Variants in EPHB1 observed in about 807,000 individuals in gnomAD.
EPHB1 encodes the protein ephrin type-B receptor 1.
EPHB1 carries 30 observed loss-of-function variants against 94.4 expected under a neutral mutation model. The observed-to-expected ratio is 0.32, with a 90% CI of 0.24 to 0.43. The LOEUF (loss-of-function observed/expected upper bound fraction) is 0.43, where lower values mean the gene tolerates loss of function less well. Ranked by LOEUF, EPHB1 falls within the 20% of genes least tolerant of loss-of-function variation. The pLI is 1.00. For synonymous variants in EPHB1, 522 were observed against 489.1 expected, an observed-to-expected ratio of 1.07 and a Z score of -0.89; for missense variants, 1,055 against 1,308.3, an observed-to-expected ratio of 0.81 and a Z score of 2.99.
chr3:134,952,189 C>A, intron 3 of EPHB1, 137 bp downstream of exon 3: 1 of 895,106 alleles, frequency 1.1e-6, no homozygotes, highest in Non-Finnish European at 1.7e-6. Context: ...GACTCCCATT[C>A]CTAGTGCTAG....
intron 6 of EPHB1, 118 bp downstream of exon 6, chr3:135,154,394 A>C: frequency 7.1e-7 from 1 of 1,415,216 alleles, no homozygotes; most frequent in South Asian, 1.4e-5. Flanking sequence ...TTCTGGTGAC[A>C]GAGGCCAGAA....
At chr3:134,822,958 T>C (rs1303185776) in intron 1 of EPHB1, among the ~76,000 whole-genome samples, 3 of 152,102 alleles carry the variant, frequency 2.0e-5, no homozygotes, top group African/African-American at 7.2e-5. Flanking sequence ...GAAGCGGAAG[T>C]GATTTTCCTA....
At chr3:134,994,644 G>A (rs1476806516) in intron 3 of EPHB1, among the ~76,000 whole-genome samples, 1 of 152,114 alleles carries the variant, frequency 6.6e-6, no homozygotes, top group Admixed American at 6.5e-5. Context: ...GGCTGGCATT[G>A]AACTCCTAGG....
rs1460579920 is a variant in EPHB1 at position 135,004,036 on chromosome 3, G to A, written c.805+51984G>A. The stretch of plus-strand genomic sequence containing the variant: ...CTGGTTATTTTGCTTGTTAGTTGAT[G>A]TAGTTTCTTCCTAGTCTCGATGGTC... On this transcript the variant is annotated intron_variant, in intron 3 of 15. Coordinates refer to ENST00000398015, the MANE Select transcript of EPHB1 (RefSeq NM_004441.5). 4.6e-5 allele frequency among the ~76,000 whole-genome samples: 7 copies of A among 151,740 alleles called. No homozygotes were observed. The East Asian group carries it at 5.8e-4, about 13-fold the overall frequency.
chr3:135,105,957 C>T (rs1325509952), intron 3 of EPHB1, among the ~76,000 whole-genome samples: 1 of 152,188 alleles, frequency 6.6e-6, no homozygotes, highest in Non-Finnish European at 1.5e-5. Flanking sequence ...TAGTGTGTTC[C>T]TCATGTGTGC....
chr3:134,844,653 G>A (rs2036836784), intron 1 of EPHB1, among the ~76,000 whole-genome samples: 1 of 152,200 alleles, frequency 6.6e-6, no homozygotes, highest in African/African-American at 2.4e-5. Flanking sequence ...GCTCAGGGGA[G>A]GGTGAGGAGG....
intron 3 of EPHB1, among the ~76,000 whole-genome samples, chr3:134,957,287 C>T (rs748150587): frequency 5.9e-5 from 9 of 152,194 alleles, no homozygotes; most frequent in Non-Finnish European, 1.2e-4. Context: ...CAGCTCTAAG[C>T]AGCAGACCAG....
At position 135,154,352 on chromosome 3, in the gene EPHB1, A is replaced by G. The variant is rs555896419; in HGVS notation, c.1422+76A>G. The G allele has an allele frequency of 2.4e-5, 39 of 1,591,904 alleles. No homozygotes were observed. In the East Asian group the frequency reaches 8.5e-4, roughly 35 times the overall value. ...CCATGGATGGTTGCTAGCTGAAGGCACAAAGGAGATAGGCTGCTGAGGTGG... is the reference window on the plus strand; with the variant it reads ...CCATGGATGGTTGCTAGCTGAAGGCGCAAAGGAGATAGGCTGCTGAGGTGG... On this transcript the variant is annotated intron_variant, in intron 6 of 15. Transcript: ENST00000398015.
At chr3:134,878,100 A>G (rs1229034325) in intron 1 of EPHB1, among the ~76,000 whole-genome samples, 3 of 152,064 alleles carry the variant, frequency 2.0e-5, no homozygotes, top group Admixed American at 6.6e-5. Context: ...AGGTTTTCCA[A>G]CCCCAGCTGA....
chr3:135,056,721 A>T (rs1035280060), intron 3 of EPHB1, among the ~76,000 whole-genome samples: 1 of 152,242 alleles, frequency 6.6e-6, no homozygotes, highest in Non-Finnish European at 1.5e-5. Flanking sequence ...TGTATTTTCC[A>T]CACAAAGATG....
intron 13 of EPHB1, among the ~76,000 whole-genome samples, chr3:135,246,457 A>G (rs1011982660): frequency 6.6e-6 from 1 of 152,146 alleles, no homozygotes; most frequent in Non-Finnish European, 1.5e-5. Flanking sequence ...AAGACAGCCG[A>G]CACCTCCAGG....
intron 1 of EPHB1, among the ~76,000 whole-genome samples, chr3:134,849,229 A>G (rs984345082): frequency 1.3e-5 from 2 of 152,216 alleles, no homozygotes; most frequent in Non-Finnish European, 2.9e-5. Flanking sequence ...CTCCACCTTG[A>G]GTTTCCGATT....
At chr3:134,917,211 C>G (rs552468710) in intron 1 of EPHB1, among the ~76,000 whole-genome samples, 1 of 152,302 alleles carries the variant, frequency 6.6e-6, no homozygotes, top group South Asian at 2.1e-4. Context: ...GAACTAAGAG[C>G]CAGAAGAAAC....
intron 4 of EPHB1, among the ~76,000 whole-genome samples, chr3:135,112,138 G>T (rs1939472540): frequency 3.9e-5 from 6 of 152,198 alleles, no homozygotes; most frequent in Admixed American, 2.0e-4. Flanking sequence ...TGAAACAGAA[G>T]GAAAGTGACT....
In EPHB1 at chr3:135,179,975, C is replaced by T. The variant is rs529170249; in HGVS notation, c.1875C>T (p.Ile625=). 11 of 1,613,738 alleles carry T rather than the reference C, an allele frequency of 6.8e-6. No individual in the cohort carries two copies. Among genetic ancestry groups the T allele is most frequent in the East Asian group, 2.2e-5 (1 of 44,878 alleles). ...CTTTTGTGAAAATTGAAGAGGTCAT[C>T]GGAGCAGGTATGGCTCTTCCCTGTC... The part of the protein sequence containing the change: ...DVSFVKIEEV[I]GAGEFGEVYK... The change falls in exon 10 of 16, where the codon ATC becomes ATT. Residue 625 remains isoleucine, a synonymous_variant. Transcript: ENST00000398015.
chr3:135,055,706 C>T (rs571801448), intron 3 of EPHB1, among the ~76,000 whole-genome samples: 67 of 152,274 alleles, frequency 4.4e-4, no homozygotes, highest in African/African-American at 1.5e-3. Context: ...TGTTCACACC[C>T]GGGGTTGTTG....
intron 3 of EPHB1, among the ~76,000 whole-genome samples, chr3:134,982,242 G>A (rs1007840180): frequency 1.3e-5 from 2 of 152,134 alleles, no homozygotes; most frequent in Non-Finnish European, 2.9e-5. Flanking sequence ...TACTGTGAGG[G>A]CTTAGAAGAT....
chr3:135,170,331 T>G (rs1240074953), intron 9 of EPHB1, among the ~76,000 whole-genome samples: 1 of 152,188 alleles, frequency 6.6e-6, no homozygotes, highest in Non-Finnish European at 1.5e-5. Flanking sequence ...ATAATGTGGC[T>G]TCTAGGGCAC....
At chr3:135,074,607 G>A (rs568907167) in intron 3 of EPHB1, among the ~76,000 whole-genome samples, 18 of 152,296 alleles carry the variant, frequency 1.2e-4, no homozygotes, top group African/African-American at 4.1e-4. Flanking sequence ...ACCTGCTGAT[G>A]TGTTTCCCAC....
Sources: allele counts gnomAD v4.1 joint callset (sites outside exome capture counted in the v4.1 genomes callset), GRCh38; gene constraint gnomAD v4.1.1; transcripts MANE v1.5; gene names NCBI Gene and HGNC (gene_info 2026-07-23, HGNC 2026-07-21).